Variants in CDC27 observed in about 807,000 individuals in gnomAD.
The protein encoded by CDC27 is cell division cycle 27, also known as cell division cycle protein 27 homolog.
A neutral mutation model predicts 109.7 loss-of-function variants in CDC27; 27 were observed. The ratio of observed to expected loss-of-function variants is 0.25; its 90% CI spans 0.18 to 0.34. The LOEUF (loss-of-function observed/expected upper bound fraction) is 0.34. CDC27 is among the 10% of genes least tolerant of loss of function. The pLI is 1.00. For synonymous variants in CDC27, 266 were observed against 333.9 expected (o/e 0.80, Z 2.22); for missense variants, 579 against 960.2 (o/e 0.60, Z 5.25).
intron 8 of CDC27, among the ~76,000 whole-genome samples, chr17:47,153,221 G>A (rs961241044): frequency 2.0e-5 from 3 of 152,222 alleles, no homozygotes; most frequent in Admixed American, 6.5e-5. Context: ...TTCTGGGAAT[G>A]TCTTGTAATA....
At chr17:47,154,275 T>G (rs2063233846) in intron 8 of CDC27, among the ~76,000 whole-genome samples, 2 of 152,208 alleles carry the variant, frequency 1.3e-5, no homozygotes, top group South Asian at 4.1e-4. Flanking sequence ...TAAAAAAACA[T>G]ATATACACAG....
At chr17:47,158,655 A>G (rs1179608382) in intron 4 of CDC27, among the ~76,000 whole-genome samples, 1 of 148,316 alleles carries the variant, frequency 6.7e-6, no homozygotes, top group Non-Finnish European at 1.5e-5. Flanking sequence ...GTCTGGCTCT[A>G]TCATACAGGC....
At chr17:47,154,490 A>G (rs1440749562) in intron 8 of CDC27, among the ~76,000 whole-genome samples, 182 bp downstream of exon 8, 3 of 152,202 alleles carry the variant, frequency 2.0e-5, no homozygotes, top group African/African-American at 7.2e-5. Flanking sequence ...CTCCTACTGT[A>G]ACCAAGAGGC....
intron 4 of CDC27, among the ~76,000 whole-genome samples, chr17:47,162,969 C>A (rs1333096837): frequency 1.3e-5 from 2 of 151,940 alleles, no homozygotes; most frequent in African/African-American, 2.4e-5. Context: ...AAGATAAAAC[C>A]TCTAATTATT....
intron 14 of CDC27, among the ~76,000 whole-genome samples, chr17:47,134,516 G>A (rs1256631266): frequency 6.6e-6 from 1 of 150,918 alleles, no homozygotes; most frequent in African/African-American, 2.4e-5. Flanking sequence ...TTTTTGAGAT[G>A]GAGTCTCACT....
chr17:47,134,063 C>A (rs1414641645), intron 14 of CDC27, among the ~76,000 whole-genome samples: 1 of 152,000 alleles, frequency 6.6e-6, no homozygotes, highest in Admixed American at 6.6e-5. Context: ...CTTATATTAA[C>A]ATATTTTTAA....
At chr17:47,188,094 T>G (rs918677029) in intron 1 of CDC27, among the ~76,000 whole-genome samples, 1 of 152,178 alleles carries the variant, frequency 6.6e-6, no homozygotes, top group Non-Finnish European at 1.5e-5. Flanking sequence ...TATTAAAATA[T>G]TTACTGTTTG....
At chr17:47,135,939 G>A (rs576461681) in intron 14 of CDC27, among the ~76,000 whole-genome samples, 5 of 152,260 alleles carry the variant, frequency 3.3e-5, no homozygotes, top group African/African-American at 1.2e-4. Flanking sequence ...AGGAGATTGA[G>A]ACCATCCTGG....
At chr17:47,161,238 C>T (rs186936423) in intron 4 of CDC27, 83 of 151,654 alleles carry the variant, frequency 5.5e-4, no homozygotes, top group African/African-American at 1.9e-3. Context: ...GTTGCCCAGG[C>T]TGGTCTCAAA....
intron 4 of CDC27, chr17:47,160,022 A>T (rs972099897): frequency 8.7e-5 from 20 of 229,714 alleles, no homozygotes; most frequent in African/African-American, 4.0e-4. Flanking sequence ...TTTTCAAACA[A>T]ACTAGAGGTG....
At chr17:47,153,748 T>C (rs778111166) in intron 8 of CDC27, among the ~76,000 whole-genome samples, 13 of 152,262 alleles carry the variant, frequency 8.5e-5, no homozygotes, top group Admixed American at 1.3e-4. Flanking sequence ...AAAATGGTAT[T>C]TTGGCCTCTA....
Position 47,122,481 on chromosome 17 carries a change from T to A in CDC27, c.2355A>T (p.Pro785=). Residue 785 remains proline, a synonymous_variant, in exon 18 of 19, where the codon CCA becomes CCT. Transcript: ENST00000066544. ...IKEAIDKRYL[P]DDEEPITQEE... ...CTTGGGTTATTGGCTCCTCATCATCTGGAAGATAACGCTTATCAATTGCCT... is the reference window on the plus strand; with the variant it reads ...CTTGGGTTATTGGCTCCTCATCATCAGGAAGATAACGCTTATCAATTGCCT... 1 of 1,609,474 alleles carries A rather than the reference T, an allele frequency of 6.2e-7. No individual in the cohort carries two copies.
chr17:47,159,352 A>G (rs937589166), intron 4 of CDC27: 7 of 748,646 alleles, frequency 9.4e-6, no homozygotes, highest in Non-Finnish European at 1.3e-5. Context: ...ATGGCATCAA[A>G]GGTGGCCTTG....
At chr17:47,169,096 A>C (rs765559479) in intron 4 of CDC27, among the ~76,000 whole-genome samples, 1 of 150,016 alleles carries the variant, frequency 6.7e-6, no homozygotes, top group African/African-American at 2.5e-5. Flanking sequence ...GGCTCAAGAG[A>C]TCCTCCACCT....
intron 9 of CDC27, among the ~76,000 whole-genome samples, 162 bp from the exon 10 acceptor site, chr17:47,144,144 C>T (rs1417536223): frequency 6.6e-6 from 1 of 152,066 alleles, no homozygotes. Context: ...TATGAAAACA[C>T]AGTATTTAAA....
chr17:47,122,710 A>G (rs2062015220), intron 17 of CDC27, 110 bp from the exon 18 acceptor site: 12 of 782,250 alleles, frequency 1.5e-5, no homozygotes, highest in Non-Finnish European at 2.0e-5. Flanking sequence ...GTCTCACTCT[A>G]TTACCCAGGC....
chr17:47,138,500 G>A (rs926738395), intron 13 of CDC27, among the ~76,000 whole-genome samples: 5 of 152,068 alleles, frequency 3.3e-5, no homozygotes, highest in African/African-American at 4.8e-5. Flanking sequence ...CAAATTTAAC[G>A]TAGTCAAATC....
chr17:47,128,201 T>A (rs2062207615), intron 16 of CDC27, among the ~76,000 whole-genome samples: 1 of 151,842 alleles, frequency 6.6e-6, no homozygotes, highest in South Asian at 2.1e-4. Context: ...TGGCTAATTT[T>A]TGTATTTTTG....
chr17:47,136,056 G>A (rs1459325935), intron 14 of CDC27, among the ~76,000 whole-genome samples: 2 of 152,050 alleles, frequency 1.3e-5, no homozygotes, highest in Non-Finnish European at 2.9e-5. Flanking sequence ...GCAGGAGAAT[G>A]GCGTGAACCT....
Sources: gnomAD v4.1 joint callset for allele counts (sites outside exome capture counted in the v4.1 genomes callset) on GRCh38, gnomAD v4.1.1 for gene constraint, MANE v1.5 for transcripts, NCBI Gene and HGNC (gene_info 2026-07-23, HGNC 2026-07-21) for gene names.